The following KIRREL3 variants were observed in gnomAD, a reference collection of about 807,000 sequenced individuals.
The protein encoded by KIRREL3 is kin of IRRE-like protein 3.
KIRREL3 carries 36 observed loss-of-function variants against 89.7 expected under a neutral mutation model. The observed-to-expected ratio is 0.40, with a 90% CI of 0.31 to 0.53. The LOEUF (loss-of-function observed/expected upper bound fraction) is 0.53. Among genes scored for constraint, KIRREL3 ranks in the 20% least tolerant of loss-of-function variants. The pLI is 0.49. For synonymous variants in KIRREL3, 445 were observed against 441.4 expected, an observed-to-expected ratio of 1.01 and a Z score of -0.10; for missense variants, 864 against 1,056.6, an observed-to-expected ratio of 0.82 and a Z score of 2.53.
chr11:126,714,339 G>A (rs1947874775), intron 1 of KIRREL3, among the ~76,000 whole-genome samples: 1 of 152,188 alleles, frequency 6.6e-6, no homozygotes, highest in South Asian at 2.1e-4. Context: ...GCATAAAGAG[G>A]GGAGCGTGTG....
At chr11:126,445,192 TG>T (rs1446475930) in intron 9 of KIRREL3, 87 bp from the exon 10 acceptor site, 8 of 1,520,934 alleles carry the variant, frequency 5.3e-6, no homozygotes, top group Non-Finnish European at 6.3e-6. Flanking sequence ...GAGGCTGGCC[TG>T]GGGTAACTGA....
In KIRREL3 at chr11:126,496,390, G is replaced by A. The variant is rs540481572; in HGVS notation, c.434-22924C>T. 8.7e-4 allele frequency among the ~76,000 whole-genome samples: 133 copies of A among 152,286 alleles called. 1 individual carries two copies. Among genetic ancestry groups the A allele is most frequent in the Admixed American group, 4.2e-3 (65 of 15,298 alleles). ...AGAAACTGAGGGTCAGAGAGGCTAA[G>A]TGATTTGGACAAGGGTACACAGCTG... On this transcript the variant is annotated intron_variant, in intron 4 of 16. Coordinates refer to ENST00000525144, the MANE Select transcript of KIRREL3 (RefSeq NM_032531.4). This position sits in a 1 kb window ranked among gnomAD's most constrained non-coding sequence, Gnocchi z 4.9.
intron 1 of KIRREL3, among the ~76,000 whole-genome samples, chr11:126,637,362 C>T (rs923693077): frequency 2.0e-5 from 3 of 152,048 alleles, no homozygotes; most frequent in Admixed American, 6.6e-5. Context: ...ATGCTATTAC[C>T]GACACTATCT....
Position 126,587,801 on chromosome 11 carries a change from T to C in KIRREL3, c.56-24889A>G, listed in dbSNP as rs1941939607. Among the ~76,000 whole-genome samples, 1 of 152,256 alleles carries C rather than the reference T, an allele frequency of 6.6e-6. No individual in the cohort carries two copies. The highest frequency in any genetic ancestry group is 6.5e-5 in the Admixed American group (1 of 15,290). On this transcript the variant is annotated intron_variant, in intron 1 of 16. Coordinates refer to ENST00000525144, the MANE Select transcript of KIRREL3 (RefSeq NM_032531.4). The surrounding 1 kb of genome is among the most constrained non-coding windows in gnomAD (Gnocchi z 5.2). ...AATTTAGATTAGGAATGATTATGAC[T>C]TAAGTAAAATAGTTGAACACAATTC...
rs1048227990 is a variant in KIRREL3 at position 126,570,359 on chromosome 11, T to C, written c.56-7447A>G. Among the ~76,000 whole-genome samples the C allele has an allele frequency of 6.6e-6, 1 of 152,222 alleles. No individual in the cohort carries two copies. Among genetic ancestry groups the C allele is most frequent in the Non-Finnish European group, 1.5e-5 (1 of 68,040 alleles). ...GTATTTAATTAACTATGCTATTACATACCAATTAAATTCATATAAGAGGAA... is the reference window on the plus strand; with the variant it reads ...GTATTTAATTAACTATGCTATTACACACCAATTAAATTCATATAAGAGGAA... On this transcript the variant is annotated intron_variant, in intron 1 of 16. Transcript: ENST00000525144. The surrounding 1 kb of genome is among the most constrained non-coding windows in gnomAD (Gnocchi z 6.1).
In KIRREL3 at chr11:126,994,662, A is replaced by C. The variant is rs1044228128; in HGVS notation, c.55+5793T>G. Reference sequence around the variant, plus strand: ...CCACTGGGAGAGGAGAAAAAGAATTAAAAAGCATAATGGTCCTAGCTCCTT... The same window carrying C: ...CCACTGGGAGAGGAGAAAAAGAATTCAAAAGCATAATGGTCCTAGCTCCTT... On this transcript the variant is annotated intron_variant, in intron 1 of 16. Transcript: ENST00000525144. The surrounding 1 kb of genome is among the most constrained non-coding windows in gnomAD (Gnocchi z 5.2). 6.6e-6 allele frequency among the ~76,000 whole-genome samples: 1 copy of C among 152,216 alleles called. No homozygotes were observed.
intron 1 of KIRREL3, among the ~76,000 whole-genome samples, chr11:126,869,642 C>G (rs1945043806): frequency 6.6e-6 from 1 of 152,268 alleles, no homozygotes; most frequent in South Asian, 2.1e-4. Context: ...TCACAGGGAG[C>G]TGGCTGCATC....
intron 7 of KIRREL3, among the ~76,000 whole-genome samples, chr11:126,450,469 G>T (rs1039388300): frequency 4.0e-5 from 6 of 150,858 alleles, no homozygotes; most frequent in African/African-American, 1.5e-4. Context: ...GTGTGTGAAT[G>T]TGTGCATGTG....
At chr11:126,950,495 A>G (rs898161112) in intron 1 of KIRREL3, among the ~76,000 whole-genome samples, 4 of 152,198 alleles carry the variant, frequency 2.6e-5, no homozygotes, top group Non-Finnish European at 1.5e-5. Flanking sequence ...GGCCCCATTT[A>G]CCTAACTCAT....
In KIRREL3 at chr11:126,570,829, C is replaced by T. The variant is rs879795209; in HGVS notation, c.56-7917G>A. On this transcript the variant is annotated intron_variant, in intron 1 of 16. Transcript: ENST00000525144. This position sits in a 1 kb window ranked among gnomAD's most constrained non-coding sequence, Gnocchi z 6.1. Reference sequence around the variant, plus strand: ...CTACATGCCCATGTGGTCATCTATCCTTCGGCTTCTCCAAATCTCTGCTCA... The same window carrying T: ...CTACATGCCCATGTGGTCATCTATCTTTCGGCTTCTCCAAATCTCTGCTCA... Among the ~76,000 whole-genome samples the T allele has an allele frequency of 1.2e-4, 19 of 152,316 alleles. No individual in the cohort carries two copies. Among genetic ancestry groups the T allele is most frequent in the South Asian group, 6.2e-4 (3 of 4,822 alleles).
At chr11:126,649,652 C>T (rs1452402705) in intron 1 of KIRREL3, among the ~76,000 whole-genome samples, 1 of 152,154 alleles carries the variant, frequency 6.6e-6, no homozygotes, top group Non-Finnish European at 1.5e-5. Flanking sequence ...TCTTGGGTAG[C>T]TCTATCCTTG....
chr11:126,588,176 A>G (rs1941961286), intron 1 of KIRREL3, among the ~76,000 whole-genome samples: 1 of 152,234 alleles, frequency 6.6e-6, no homozygotes, highest in East Asian at 1.9e-4. Flanking sequence ...GATCAGGGAC[A>G]TGAGAGTAAC....
chr11:126,699,928 T>C (rs2135160419), intron 1 of KIRREL3, among the ~76,000 whole-genome samples: 1 of 152,278 alleles, frequency 6.6e-6, no homozygotes, highest in East Asian at 1.9e-4. Context: ...ACATGGAGGC[T>C]CATGTGTGTA....
At chr11:126,451,604 ATGTGCATG>A (rs1321198371) in intron 7 of KIRREL3, among the ~76,000 whole-genome samples, 10 of 109,800 alleles carry the variant, frequency 9.1e-5, no homozygotes, top group Non-Finnish European at 1.5e-4. Context: ...ATGTGTGAGC[ATGTGCATG>A]TGTGCATGTG....
At chr11:126,436,757 A>G in intron 12 of KIRREL3, 54 bp downstream of exon 12, 2 of 1,598,354 alleles carry the variant, frequency 1.3e-6, no homozygotes, top group Non-Finnish European at 1.7e-6. Flanking sequence ...AGGTGAGGAG[A>G]GGGCCCTCTG....
intron 1 of KIRREL3, among the ~76,000 whole-genome samples, chr11:126,836,363 A>T (rs1943781437): frequency 6.6e-6 from 1 of 152,184 alleles, no homozygotes; most frequent in African/African-American, 2.4e-5. Flanking sequence ...TCCCTGATAT[A>T]AATCCTGACT....
chr11:126,795,257 CT>C lies in KIRREL3; in HGVS notation c.55+205197del, dbSNP rs1248721744. On this transcript the variant is annotated intron_variant, in intron 1 of 16. Coordinates refer to ENST00000525144, the MANE Select transcript of KIRREL3 (RefSeq NM_032531.4). The surrounding 1 kb of genome is among the most constrained non-coding windows in gnomAD (Gnocchi z 4.1). Reference sequence around the variant, plus strand: ...GGGACTTCAATTCATAACAATGTATCTATATTGGCTTACCAATGGTAACAGA... The same window carrying C: ...GGGACTTCAATTCATAACAATGTATCATATTGGCTTACCAATGGTAACAGA... Among the ~76,000 whole-genome samples the C allele has an allele frequency of 6.6e-6, 1 of 152,182 alleles. No individual in the cohort carries two copies. The highest frequency in any genetic ancestry group is 6.5e-5 in the Admixed American group (1 of 15,278).
At chr11:126,494,797 C>T (rs7935121) in intron 4 of KIRREL3, among the ~76,000 whole-genome samples, 358 of 152,262 alleles carry the variant, frequency 2.4e-3, no homozygotes, top group African/African-American at 8.3e-3. Flanking sequence ...CTAGGACAGG[C>T]GCAGGCTGCC....
chr11:126,475,079 T>C lies in KIRREL3; in HGVS notation c.434-1613A>G, dbSNP rs529614318. Reference sequence around the variant, plus strand: ...TGGACACATCAAGACGTGAGCTGTCTGTGTACACAGCAAACACAGAAGGGG... The same window carrying C: ...TGGACACATCAAGACGTGAGCTGTCCGTGTACACAGCAAACACAGAAGGGG... On this transcript the variant is annotated intron_variant, in intron 4 of 16. Coordinates refer to ENST00000525144, the MANE Select transcript of KIRREL3 (RefSeq NM_032531.4). This position sits in a 1 kb window ranked among gnomAD's most constrained non-coding sequence, Gnocchi z 7.5. Among the ~76,000 whole-genome samples the C allele has an allele frequency of 3.9e-5, 6 of 152,278 alleles. No homozygotes were observed. Among genetic ancestry groups the C allele is most frequent in the African/African-American group, 1.4e-4 (6 of 41,556 alleles).
Sources: gnomAD v4.1 joint callset for allele counts (sites outside exome capture counted in the v4.1 genomes callset) on GRCh38, gnomAD v4.1.1 for gene constraint, Gnocchi (gnomAD v3.1) non-coding constraint, MANE v1.5 for transcripts, NCBI Gene and HGNC (gene_info 2026-07-23, HGNC 2026-07-21) for gene names.